CDC73: variants seen among roughly 807,000 people sequenced by gnomAD.
CDC73 encodes the protein parafibromin.
Under a neutral mutation model 83.7 loss-of-function variants are expected in CDC73, and 21 were observed. The observed-to-expected ratio is 0.25, with a 90% CI of 0.18 to 0.36. The LOEUF (loss-of-function observed/expected upper bound fraction) is 0.36, where lower values mean the gene tolerates loss of function less well. Among genes scored for constraint, CDC73 ranks in the 10% least tolerant of loss-of-function variants. The pLI, the probability that CDC73 is intolerant of heterozygous loss-of-function variation, is 1.00. For missense variants in CDC73, 342 were observed against 653.3 expected (o/e 0.52, Z 5.19); for synonymous variants, 224 against 212.9 (o/e 1.05, Z -0.45).
At chr1:193,129,943 A>G (rs1160158655) in intron 2 of CDC73, among the ~76,000 whole-genome samples, 1 of 152,238 alleles carries the variant, frequency 6.6e-6, no homozygotes, top group Non-Finnish European at 1.5e-5. Flanking sequence ...AAATTCAGAC[A>G]TTACATGTTA....
intron 10 of CDC73, among the ~76,000 whole-genome samples, chr1:193,186,890 C>T (rs1312644002): frequency 6.6e-6 from 1 of 151,876 alleles, no homozygotes; most frequent in Non-Finnish European, 1.5e-5. Context: ...TAAGTGTTTT[C>T]TGTGTTAGAT....
intron 11 of CDC73, among the ~76,000 whole-genome samples, chr1:193,204,996 T>G (rs1677162056): frequency 6.6e-6 from 1 of 152,178 alleles, no homozygotes; most frequent in Admixed American, 6.5e-5. Context: ...TTAAAATGTG[T>G]TAAGCAAAGC....
chr1:193,214,544 C>T (rs1391648291), intron 13 of CDC73, among the ~76,000 whole-genome samples: 6 of 151,908 alleles, frequency 3.9e-5, no homozygotes, highest in Non-Finnish European at 1.5e-5. Flanking sequence ...AGTGAAACCC[C>T]GTCTCTACTA....
intron 13 of CDC73, among the ~76,000 whole-genome samples, chr1:193,229,630 A>G (rs1161091166): frequency 3.9e-5 from 6 of 152,312 alleles, no homozygotes; most frequent in African/African-American, 1.2e-4. Flanking sequence ...AGTCTGTGCT[A>G]TTTCTCTTAC....
chr1:193,234,341 AATAT>A (rs1359879878), intron 14 of CDC73, among the ~76,000 whole-genome samples: 1 of 136,664 alleles, frequency 7.3e-6, no homozygotes, highest in South Asian at 2.2e-4. Flanking sequence ...CACACACATA[AATAT>A]ATATATATAT....
At chr1:193,246,924 T>C (rs1386010326) in intron 15 of CDC73, among the ~76,000 whole-genome samples, 2 of 152,172 alleles carry the variant, frequency 1.3e-5, no homozygotes, top group Non-Finnish European at 2.9e-5. Flanking sequence ...ACTAATCCAT[T>C]TTCTCTTTCA....
At chr1:193,218,156 C>T (rs1677402568) in intron 13 of CDC73, among the ~76,000 whole-genome samples, 1 of 152,068 alleles carries the variant, frequency 6.6e-6, no homozygotes, top group South Asian at 2.1e-4. Context: ...TTCACAGTAG[C>T]CACACACTCA....
intron 13 of CDC73, among the ~76,000 whole-genome samples, chr1:193,229,015 C>T (rs1399443345): frequency 6.6e-6 from 1 of 152,076 alleles, no homozygotes; most frequent in Admixed American, 6.6e-5. Flanking sequence ...AAAAAATTCT[C>T]AGTATCATCA....
chr1:193,133,508 T>A (rs1032787914), intron 3 of CDC73, among the ~76,000 whole-genome samples: 1 of 152,162 alleles, frequency 6.6e-6, no homozygotes, highest in African/African-American at 2.4e-5. Context: ...CTTAAAACCC[T>A]GATAATTTGA....
chr1:193,196,447 C>T (rs1326914776), intron 10 of CDC73, among the ~76,000 whole-genome samples: 2 of 152,094 alleles, frequency 1.3e-5, no homozygotes, highest in African/African-American at 4.8e-5. Flanking sequence ...ATGAGTTTGG[C>T]TAAGTATTTG....
intron 10 of CDC73, among the ~76,000 whole-genome samples, chr1:193,168,796 A>T (rs1363020879): frequency 6.6e-6 from 1 of 152,350 alleles, no homozygotes; most frequent in East Asian, 1.9e-4. Flanking sequence ...AAGTGCTGGG[A>T]TTACACGCGT....
chr1:193,142,549 A>G (rs531693016), intron 7 of CDC73, among the ~76,000 whole-genome samples: 3 of 152,136 alleles, frequency 2.0e-5, no homozygotes, highest in Admixed American at 6.5e-5. Flanking sequence ...ATTAATGGAA[A>G]TTGTTTTCTT....
At chr1:193,127,291 G>GTGTGTGTT (rs1186702764) in intron 2 of CDC73, among the ~76,000 whole-genome samples, 2 of 119,648 alleles carry the variant, frequency 1.7e-5, no homozygotes, top group East Asian at 4.0e-4. Flanking sequence ...AAAAAAAAAT[G>GTGTGTGTT]TGTGTGTGTG....
At chr1:193,154,419 T>C (rs1572162759) in intron 10 of CDC73, among the ~76,000 whole-genome samples, 1 of 152,176 alleles carries the variant, frequency 6.6e-6, no homozygotes, top group African/African-American at 2.4e-5. Context: ...TATTGATCAG[T>C]ATGAGAATGA....
intron 15 of CDC73, among the ~76,000 whole-genome samples, chr1:193,240,485 G>C (rs1223009309): frequency 6.6e-6 from 1 of 152,116 alleles, no homozygotes; most frequent in African/African-American, 2.4e-5. Context: ...CAACAGTGTA[G>C]GAGTTCCCTT....
chr1:193,215,674 C>T (rs1017031880), intron 13 of CDC73, among the ~76,000 whole-genome samples: 4 of 151,392 alleles, frequency 2.6e-5, no homozygotes, highest in African/African-American at 9.7e-5. Context: ...TCTGCAACCT[C>T]TGCCTCCTGG....
chr1:193,240,453 C>G (rs545164605), intron 15 of CDC73, among the ~76,000 whole-genome samples: 3 of 152,170 alleles, frequency 2.0e-5, no homozygotes, highest in Non-Finnish European at 4.4e-5. Context: ...GCCATAGTGG[C>G]TCTACTAACT....
chr1:193,122,439 C>CGGGT, intron 1 of CDC73, 108 bp downstream of exon 1: 2 of 1,400,168 alleles, frequency 1.4e-6, no homozygotes, highest in East Asian at 4.6e-5. Flanking sequence ...TGGGATAAAA[C>CGGGT]GGGTGTTCGG....
In CDC73 at chr1:193,250,768, A is replaced by G; in HGVS notation, c.*56A>G. ...AGACTCAAGCTTTATGAATTTATCA[A>G]GAACTTAAAAATGAAGAAGGTCACA... is the stretch of plus-strand genomic sequence containing the variant. On this transcript the variant is annotated 3_prime_UTR_variant, in exon 17 of 17. Transcript: ENST00000367435. 1 of 1,439,866 alleles carries G rather than the reference A, an allele frequency of 6.9e-7. No individual in the cohort carries two copies. Among genetic ancestry groups the G allele is most frequent in the Non-Finnish European group, 9.8e-7 (1 of 1,022,746 alleles). The allele number at this position is 1,439,866 out of a possible 1,614,324, so 89.2% of individuals were successfully genotyped here.
Sources: gnomAD v4.1 joint callset for allele counts (sites outside exome capture counted in the v4.1 genomes callset) on GRCh38, gnomAD v4.1.1 for gene constraint, MANE v1.5 for transcripts, NCBI Gene and HGNC (gene_info 2026-07-23, HGNC 2026-07-21) for gene names.